The following GABBR2 variants were observed in gnomAD, a reference collection of about 807,000 sequenced individuals.
GABBR2 encodes gamma-aminobutyric acid type B receptor subunit 2.
GABBR2 carries 23 observed loss-of-function variants against 105.6 expected under a neutral mutation model. The observed-to-expected ratio is 0.22, with a 90% confidence interval of 0.16 to 0.31. The LOEUF is 0.31. Ranked by LOEUF, GABBR2 falls within the 10% of genes least tolerant of loss-of-function variation. GABBR2 has a pLI of 1.00. For missense variants in GABBR2, 734 were observed against 1,245.5 expected, an observed-to-expected ratio of 0.59 and a Z score of 6.18; for synonymous variants, 478 against 499.7, an observed-to-expected ratio of 0.96 and a Z score of 0.58.
intron 9 of GABBR2, 110 bp downstream of exon 9, chr9:98,394,065 C>G (rs1418045759): frequency 2.6e-6 from 2 of 758,752 alleles, no homozygotes; most frequent in Non-Finnish European, 4.7e-6. Context: ...AGGATGTTCC[C>G]TTGACCCCCT....
At chr9:98,322,949 T>A (rs1830850892) in intron 13 of GABBR2, among the ~76,000 whole-genome samples, 3 of 152,152 alleles carry the variant, frequency 2.0e-5, no homozygotes, top group African/African-American at 4.8e-5. Flanking sequence ...ATTTACTAAC[T>A]GCTCACTGTG....
At chr9:98,461,159 A>G (rs1047363647) in intron 6 of GABBR2, among the ~76,000 whole-genome samples, 1 of 152,238 alleles carries the variant, frequency 6.6e-6, no homozygotes, top group Non-Finnish European at 1.5e-5. Context: ...TTCTGGCAGA[A>G]AAATAATAGT....
intron 1 of GABBR2, among the ~76,000 whole-genome samples, chr9:98,628,011 A>G (rs1373392705): frequency 3.3e-5 from 5 of 152,240 alleles, no homozygotes; most frequent in African/African-American, 4.8e-5. Context: ...TTGTAGCTAA[A>G]TGGCTTTTAA....
At chr9:98,341,381 A>AAGTT (rs1831211165) in intron 13 of GABBR2, among the ~76,000 whole-genome samples, 2 of 152,304 alleles carry the variant, frequency 1.3e-5, no homozygotes, top group African/African-American at 2.4e-5. Context: ...ATCTCGCCTG[A>AAGTT]AGTTCTTGTT....
At chr9:98,527,354 C>A (rs909547919) in intron 3 of GABBR2, among the ~76,000 whole-genome samples, 1 of 151,874 alleles carries the variant, frequency 6.6e-6, no homozygotes, top group Admixed American at 6.6e-5. Flanking sequence ...TACCACTATG[C>A]AGTACCGCCT....
rs774158039 is a variant in GABBR2 at position 98,541,912 on chromosome 9, G to A, written c.591C>T (p.Arg197=). The change falls in exon 3 of 19, where the codon CGC becomes CGT. Residue 197 remains arginine (R), a synonymous_variant. Transcript: ENST00000259455. The part of the protein sequence containing the change: ...LKLLKHYQWK[R]VGTLTQDVQR... ...GAACGTCTTGCGTCAGCGTGCCCACGCGCTTCCACTGGTAGTGCTTGAGCA... is the reference window on the plus strand; with the variant it reads ...GAACGTCTTGCGTCAGCGTGCCCACACGCTTCCACTGGTAGTGCTTGAGCA... 2.5e-6 allele frequency: 4 copies of A among 1,614,086 alleles called. No homozygotes were observed. The highest frequency in any genetic ancestry group is 1.6e-4 in the Middle Eastern group (1 of 6,084).
chr9:98,702,616 C>T (rs1054380659), intron 1 of GABBR2, among the ~76,000 whole-genome samples: 1 of 152,170 alleles, frequency 6.6e-6, no homozygotes, highest in African/African-American at 2.4e-5. Flanking sequence ...CTCTACAAAC[C>T]CTGCATTTCC....
At position 98,311,140 on chromosome 9, in the gene GABBR2, C is replaced by A; in HGVS notation, c.1959G>T (p.Met653Ile). The A allele has an allele frequency of 6.2e-7, 1 of 1,613,514 alleles. No homozygotes were observed. The highest frequency in any genetic ancestry group is 1.1e-5 in the South Asian group (1 of 91,030). The change falls in exon 14 of 19, where the codon ATG (methionine) becomes ATT (isoleucine). Residue 653 changes from methionine (M) to isoleucine (I), a missense_variant. Physicochemically the swap from Met to Ile is conservative, Grantham distance 10. Around this residue, in one of 7 missense-constraint regions of GABBR2, gnomAD observed 52 missense variants for 81.3 expected, o/e 0.64. Transcript: ENST00000259455. ...CATAGACGATGCCAAGCCAGATGGT[C>A]ATATGGGTGTTCTCACAGTGCTCCA... ...PLLEHCENTH[M>I]TIWLGIVYAY...
chr9:98,661,366 T>C (rs1830260249), intron 1 of GABBR2, among the ~76,000 whole-genome samples: 1 of 152,092 alleles, frequency 6.6e-6, no homozygotes, highest in Non-Finnish European at 1.5e-5. Context: ...TTCATCTCTT[T>C]CTTATTTTTC....
At chr9:98,367,046 T>A (rs1831689670) in intron 12 of GABBR2, among the ~76,000 whole-genome samples, 1 of 152,136 alleles carries the variant, frequency 6.6e-6, no homozygotes, top group Non-Finnish European at 1.5e-5. Flanking sequence ...TGTAAAAATA[T>A]GAAATTTGGA....
intron 2 of GABBR2, among the ~76,000 whole-genome samples, chr9:98,566,198 A>G (rs926510555): frequency 2.0e-5 from 3 of 152,146 alleles, no homozygotes; most frequent in African/African-American, 7.2e-5. Flanking sequence ...GGCACTCTCA[A>G]TCCCAAAACA....
chr9:98,708,891 C>A lies in GABBR2; in HGVS notation c.-154G>T. ...GCTAGGGTTCCGGCTCGGCTCAGAA[C>A]GGCCGCGGCGGCGGCGGCGGCAGCG... On this transcript the variant is annotated 5_prime_UTR_variant, in exon 1 of 19. Coordinates refer to ENST00000259455, the MANE Select transcript of GABBR2 (RefSeq NM_005458.8). The A allele has an allele frequency of 4.6e-6, 1 of 215,362 alleles. No homozygotes were observed. Among genetic ancestry groups the A allele is most frequent in the Non-Finnish European group, 6.4e-6 (1 of 155,048 alleles). The allele number at this position is 215,362 out of a possible 1,614,324, so 13.3% of individuals were successfully genotyped here.
intron 1 of GABBR2, among the ~76,000 whole-genome samples, chr9:98,651,319 T>A (rs1284494679): frequency 6.6e-6 from 1 of 152,010 alleles, no homozygotes; most frequent in Non-Finnish European, 1.5e-5. Context: ...AATTTTTTTA[T>A]TTTTAGTAGA....
Position 98,290,479 on chromosome 9 carries a change from G to A in GABBR2, c.*105C>T. 2 of 815,374 alleles carry A rather than the reference G, an allele frequency of 2.5e-6. No individual in the cohort carries two copies. The highest frequency in any genetic ancestry group is 3.4e-6 in the Non-Finnish European group (2 of 590,990). The allele number at this position is 815,374 out of a possible 1,614,324, so 50.5% of individuals were successfully genotyped here. ...GAGTGGTCCTGAGAGGCCAGCCATG[G>A]TGCCCAGCTTCTCCGCAGCCAGAGC... is the stretch of plus-strand genomic sequence containing the variant. On this transcript the variant is annotated 3_prime_UTR_variant, in exon 19 of 19. Coordinates refer to ENST00000259455, the MANE Select transcript of GABBR2 (RefSeq NM_005458.8).
chr9:98,566,518 A>G (rs944107708), intron 2 of GABBR2, among the ~76,000 whole-genome samples: 1 of 152,038 alleles, frequency 6.6e-6, no homozygotes, highest in Non-Finnish European at 1.5e-5. Context: ...TACTAAAATT[A>G]CAAAAAATTA....
intron 1 of GABBR2, among the ~76,000 whole-genome samples, chr9:98,680,061 T>C (rs1040790076): frequency 6.6e-6 from 1 of 152,158 alleles, no homozygotes. Context: ...TCTTTTGTTA[T>C]AGGGGCCTAA....
chr9:98,661,163 C>T (rs897025412), intron 1 of GABBR2, among the ~76,000 whole-genome samples: 7 of 152,184 alleles, frequency 4.6e-5, no homozygotes, highest in African/African-American at 1.4e-4. Flanking sequence ...TCACCTCCGC[C>T]TCCCATAGTG....
At chr9:98,689,479 T>G (rs1830659229) in intron 1 of GABBR2, among the ~76,000 whole-genome samples, 1 of 152,218 alleles carries the variant, frequency 6.6e-6, no homozygotes, top group African/African-American at 2.4e-5. Flanking sequence ...GTGCTAATAG[T>G]AGGATATACT....
chr9:98,473,946 G>A (rs1826738657), intron 5 of GABBR2, among the ~76,000 whole-genome samples: 1 of 152,146 alleles, frequency 6.6e-6, no homozygotes. Context: ...TAATTTTTAA[G>A]GGGCCAAGGC....
Sources: gnomAD v4.1 joint callset for allele counts (sites outside exome capture counted in the v4.1 genomes callset) on GRCh38, gnomAD v4.1.1 for gene constraint, gnomAD v4.1.1 regional missense constraint, MANE v1.5 for transcripts, NCBI Gene and HGNC (gene_info 2026-07-23, HGNC 2026-07-21) for gene names.